The following PDE4B variants were observed in gnomAD, a reference collection of about 807,000 sequenced individuals.
The protein encoded by PDE4B is phosphodiesterase 4B.
A neutral mutation model predicts 82.2 loss-of-function variants in PDE4B; 20 were observed. That is an observed-to-expected ratio of 0.24 (90% CI 0.17 to 0.35). PDE4B has a LOEUF of 0.35. PDE4B is among the 10% of genes least tolerant of loss of function. PDE4B has a pLI of 1.00. For missense variants in PDE4B, 655 were observed against 907.2 expected, an observed-to-expected ratio of 0.72 and a Z score of 3.57; for synonymous variants, 320 against 318.9, an observed-to-expected ratio of 1.00 and a Z score of -0.04.
At chr1:65,895,943 A>ATAC (rs1443664267) in intron 1 of PDE4B, among the ~76,000 whole-genome samples, 1 of 148,092 alleles carries the variant, frequency 6.8e-6, no homozygotes, top group African/African-American at 2.5e-5. Flanking sequence ...AATAATAATA[A>ATAC]TAATAATAAT....
At chr1:65,798,009 AATTTATTT>A (rs901945645) in intron 1 of PDE4B, among the ~76,000 whole-genome samples, 1 of 151,814 alleles carries the variant, frequency 6.6e-6, no homozygotes, top group African/African-American at 2.4e-5. Flanking sequence ...AATGTTTAAA[AATTTATTT>A]ATTTATTTAT....
At chr1:65,809,967 G>A (rs983818957) in intron 1 of PDE4B, among the ~76,000 whole-genome samples, 4 of 152,338 alleles carry the variant, frequency 2.6e-5, no homozygotes, top group African/African-American at 9.6e-5. Context: ...AGTTAAATTT[G>A]TAGTTCAAGA....
intron 1 of PDE4B, among the ~76,000 whole-genome samples, chr1:65,805,827 C>A (rs1160946970): frequency 4.6e-5 from 7 of 152,078 alleles, no homozygotes; most frequent in Admixed American, 4.6e-4. Flanking sequence ...AAGTTTGATG[C>A]TATTTTGAAT....
intron 3 of PDE4B, among the ~76,000 whole-genome samples, chr1:65,978,966 G>A (rs2503197): frequency 0.65 from 98,122 of 152,098 alleles, 31,781 homozygotes; most frequent in African/African-American, 0.69. Context: ...ATTTTTGGCC[G>A]TCCAACTCAT....
rs369184508 is a variant in PDE4B at position 66,258,852 on chromosome 1, T to G, written c.584+989T>G. 1.2e-4 allele frequency among the ~76,000 whole-genome samples: 18 copies of G among 152,314 alleles called. No individual in the cohort carries two copies. The South Asian group carries it at 3.5e-3, about 30-fold the overall frequency. ...GGGAGTAAACCCTGCTTTGAATGTT[T>G]GCTTTTTCTTTCACTGTTTTATGAC... On this transcript the variant is annotated intron_variant, in intron 6 of 16. Coordinates refer to ENST00000341517, the MANE Select transcript of PDE4B (RefSeq NM_002600.4).
chr1:65,930,448 C>T (rs189978598), intron 3 of PDE4B, among the ~76,000 whole-genome samples: 20 of 152,332 alleles, frequency 1.3e-4, no homozygotes, highest in Non-Finnish European at 2.9e-5. Context: ...GGAAAAGCTA[C>T]AGGCATTCAA....
intron 3 of PDE4B, among the ~76,000 whole-genome samples, chr1:65,950,492 G>A (rs1648937965): frequency 1.3e-5 from 2 of 152,038 alleles, no homozygotes. Context: ...ACTTATTGGG[G>A]ATGTGCTCAA....
chr1:65,835,147 G>GGGAAC (rs1157571221), intron 1 of PDE4B, among the ~76,000 whole-genome samples: 9 of 152,254 alleles, frequency 5.9e-5, no homozygotes, highest in African/African-American at 1.9e-4. Flanking sequence ...TGAGAAACCA[G>GGGAAC]GGAACATGAA....
chr1:66,122,038 C>G (rs1157452869), intron 3 of PDE4B, among the ~76,000 whole-genome samples: 1 of 152,008 alleles, frequency 6.6e-6, no homozygotes, highest in Non-Finnish European at 1.5e-5. Flanking sequence ...TTCTCCCTCA[C>G]TGCTTCCTTC....
intron 3 of PDE4B, among the ~76,000 whole-genome samples, chr1:66,037,616 C>G (rs1268499680): frequency 2.0e-5 from 3 of 151,876 alleles, no homozygotes; most frequent in African/African-American, 7.3e-5. Flanking sequence ...ATTTCTTTCT[C>G]TTATCTAATT....
chr1:65,879,984 A>G (rs1646691712), intron 1 of PDE4B, among the ~76,000 whole-genome samples: 1 of 152,206 alleles, frequency 6.6e-6, no homozygotes, highest in East Asian at 1.9e-4. Flanking sequence ...TGCCTTCCCC[A>G]AAACATCTGT....
intron 3 of PDE4B, among the ~76,000 whole-genome samples, chr1:66,071,446 T>A (rs1454815064): frequency 6.6e-6 from 1 of 152,150 alleles, no homozygotes; most frequent in Non-Finnish European, 1.5e-5. Flanking sequence ...AGGATTCAAT[T>A]TTAAAGTTCC....
At chr1:66,164,559 A>AAAAAAAG (rs1646684798) in intron 3 of PDE4B, among the ~76,000 whole-genome samples, 5 of 125,060 alleles carry the variant, frequency 4.0e-5, no homozygotes, top group Non-Finnish European at 7.0e-5. Context: ...AAAAAAAAAA[A>AAAAAAAG]AAAGAAAGAA....
intron 3 of PDE4B, among the ~76,000 whole-genome samples, chr1:66,134,583 G>A (rs796783402): frequency 2.0e-5 from 3 of 152,248 alleles, no homozygotes; most frequent in African/African-American, 4.8e-5. Context: ...ATAGGTACAC[G>A]TTCCTTGCTA....
At chr1:65,937,275 C>T (rs2100535966) in intron 3 of PDE4B, among the ~76,000 whole-genome samples, 1 of 152,224 alleles carries the variant, frequency 6.6e-6, no homozygotes, top group African/African-American at 2.4e-5. Context: ...AGAGTGGTGG[C>T]GATTTCCCTG....
chr1:65,934,965 A>G (rs1426653427), intron 3 of PDE4B, among the ~76,000 whole-genome samples: 1 of 152,198 alleles, frequency 6.6e-6, no homozygotes, highest in Middle Eastern at 3.2e-3. Flanking sequence ...ACAACCAGAC[A>G]TAAAATAACA....
intron 1 of PDE4B, among the ~76,000 whole-genome samples, chr1:65,795,251 TACTTG>T (rs777479011): frequency 6.6e-6 from 1 of 152,242 alleles, no homozygotes; most frequent in Non-Finnish European, 1.5e-5. Flanking sequence ...CCTAATATCT[TACTTG>T]ACTTAATTTG....
intron 8 of PDE4B, among the ~76,000 whole-genome samples, chr1:66,336,973 G>C (rs893782102): frequency 3.3e-5 from 5 of 152,184 alleles, no homozygotes; most frequent in Non-Finnish European, 7.3e-5. Context: ...ATCATGACAG[G>C]CTGATTGCCC....
intron 1 of PDE4B, among the ~76,000 whole-genome samples, chr1:65,795,299 C>A (rs1032016133): frequency 6.6e-6 from 1 of 152,224 alleles, no homozygotes; most frequent in African/African-American, 2.4e-5. Flanking sequence ...AAGAGGTCTT[C>A]AGTTAGAAAG....
Sources: allele counts gnomAD v4.1 joint callset (sites outside exome capture counted in the v4.1 genomes callset), GRCh38; gene constraint gnomAD v4.1.1; transcripts MANE v1.5; gene names NCBI Gene and HGNC (gene_info 2026-07-23, HGNC 2026-07-21).